The following PIK3C2G variants were observed in gnomAD, a reference collection of about 807,000 sequenced individuals.
PIK3C2G encodes phosphatidylinositol 3-kinase C2 domain-containing subunit gamma.
A neutral mutation model predicts 181.1 loss-of-function variants in PIK3C2G; 168 were observed. The ratio of observed to expected loss-of-function variants is 0.93; its 90% CI spans 0.82 to 1.05. PIK3C2G has a LOEUF of 1.05. PIK3C2G is among the 50% of genes least tolerant of loss of function. The probability of loss-of-function intolerance (pLI) is 0.00; values close to 1 mark genes in which losing one functional copy is unlikely to be tolerated. For missense variants in PIK3C2G, 1,869 were observed against 1,732.8 expected, an observed-to-expected ratio of 1.08 and a Z score of -1.40; for synonymous variants, 573 against 592.2, an observed-to-expected ratio of 0.97 and a Z score of 0.47.
intron 16 of PIK3C2G, 75 bp downstream of exon 16, chr12:18,399,922 T>C: frequency 3.8e-6 from 3 of 779,930 alleles, no homozygotes; most frequent in Non-Finnish European, 5.7e-6. Flanking sequence ...AACCATATAA[T>C]TAATTCAATA....
intron 24 of PIK3C2G, among the ~76,000 whole-genome samples, chr12:18,512,804 A>T (rs958881080): frequency 6.6e-6 from 1 of 151,798 alleles, no homozygotes; most frequent in Non-Finnish European, 1.5e-5. Context: ...GTCTTGCCTA[A>T]CTGCTCTGGC....
At chr12:18,601,070 T>G (rs1265035711) in intron 30 of PIK3C2G, among the ~76,000 whole-genome samples, 1 of 151,906 alleles carries the variant, frequency 6.6e-6, no homozygotes, top group African/African-American at 2.4e-5. Context: ...AATAAAATAT[T>G]AGCCAAAATA....
intron 16 of PIK3C2G, among the ~76,000 whole-genome samples, chr12:18,414,423 T>G (rs11044087): frequency 0.15 from 23,019 of 152,186 alleles, 2,204 homozygotes; most frequent in South Asian, 0.38. Context: ...CCTTCTCATC[T>G]TTTTGTTAAT....
chr12:18,660,230 T>C, the PIK3C2G span, among the ~76,000 whole-genome samples: 1 of 152,176 alleles, frequency 6.6e-6, no homozygotes, highest in African/African-American at 2.4e-5. Context: ...TTCTCCTGCG[T>C]ATTTCTGGAT....
intron 18 of PIK3C2G, among the ~76,000 whole-genome samples, chr12:18,471,667 T>C (rs1938472956): frequency 6.6e-6 from 1 of 152,204 alleles, no homozygotes; most frequent in Non-Finnish European, 1.5e-5. Context: ...GTGAACTTTC[T>C]ACAATTATTC....
intron 18 of PIK3C2G, among the ~76,000 whole-genome samples, chr12:18,485,558 A>G (rs1939942864): frequency 6.6e-6 from 1 of 152,138 alleles, no homozygotes; most frequent in Admixed American, 6.6e-5. Flanking sequence ...CCTCATTTTA[A>G]TGTTGTCATA....
At chr12:18,646,898 C>T (rs1005402334) in intron 32 of PIK3C2G, among the ~76,000 whole-genome samples, 4 of 151,648 alleles carry the variant, frequency 2.6e-5, no homozygotes, top group Non-Finnish European at 5.9e-5. Context: ...GGACAGCTGA[C>T]CAGATTCCTT....
At chr12:18,269,946 G>A (rs1313783578) in intron 1 of PIK3C2G, among the ~76,000 whole-genome samples, 3 of 126,264 alleles carry the variant, frequency 2.4e-5, no homozygotes, top group East Asian at 2.2e-4. Context: ...ATCTCTCTCC[G>A]TTACCCAGGC....
the PIK3C2G span, chr12:18,719,663 G>A: frequency 1.3e-6 from 2 of 1,481,736 alleles, no homozygotes; most frequent in Non-Finnish European, 1.8e-6. Flanking sequence ...AAGTTAAAAG[G>A]ATGCAAAAAT....
the PIK3C2G span, among the ~76,000 whole-genome samples, chr12:18,669,442 G>A: frequency 6.6e-6 from 1 of 152,148 alleles, no homozygotes; most frequent in Non-Finnish European, 1.5e-5. Flanking sequence ...TTATCAGTGA[G>A]AGTCTAAAAG....
At position 18,538,291 on chromosome 12, in the gene PIK3C2G, G is replaced by A. The variant is rs375555307; in HGVS notation, c.3459G>A (p.Leu1153=). The change falls in exon 25 of 33, where the codon CTG becomes CTA. Residue 1153 remains leucine, a synonymous_variant. Transcript: ENST00000538779. ...ATATTATCAGAAAGCACAGCCAACT[G>A]CTCTTGAACCTGCTGGAAATGGTAA... The part of the protein sequence containing the change: ...AYNIIRKHSQ[L]LLNLLEMMLY... 1.1e-4 allele frequency: 169 copies of A among 1,605,308 alleles called. No homozygotes were observed. The highest frequency in any genetic ancestry group is 1.4e-4 in the Non-Finnish European group (163 of 1,177,094).
At chr12:18,339,038 A>G (rs2137600703) in intron 9 of PIK3C2G, among the ~76,000 whole-genome samples, 1 of 152,226 alleles carries the variant, frequency 6.6e-6, no homozygotes, top group African/African-American at 2.4e-5. Flanking sequence ...CGAATTTTGC[A>G]GTGCACACTG....
At chr12:18,420,549 T>A (rs528534970) in intron 16 of PIK3C2G, among the ~76,000 whole-genome samples, 6 of 152,240 alleles carry the variant, frequency 3.9e-5, no homozygotes, top group African/African-American at 1.2e-4. Flanking sequence ...AAATATTAGA[T>A]CACATTTTGA....
chr12:18,665,179 A>T, the PIK3C2G span, among the ~76,000 whole-genome samples: 26 of 150,002 alleles, frequency 1.7e-4, no homozygotes, highest in Non-Finnish European at 1.8e-4. Context: ...ATAAAAAAAA[A>T]TTAAAAAAAA....
At chr12:18,706,858 CT>C in the PIK3C2G span, among the ~76,000 whole-genome samples, 1 of 152,200 alleles carries the variant, frequency 6.6e-6, no homozygotes, top group Non-Finnish European at 1.5e-5. Context: ...CATTTATTCT[CT>C]CACTGTCTAG....
intron 6 of PIK3C2G, 91 bp from the exon 7 acceptor site, chr12:18,320,871 A>G: frequency 1.4e-6 from 1 of 712,366 alleles, no homozygotes; most frequent in Non-Finnish European, 2.4e-6. Context: ...AAATAGGTGA[A>G]TAAAATGACA....
the PIK3C2G span, among the ~76,000 whole-genome samples, chr12:18,709,692 G>A: frequency 6.6e-5 from 10 of 151,906 alleles, no homozygotes; most frequent in East Asian, 1.9e-4. Flanking sequence ...CACCAGCCTC[G>A]ACAACATAAC....
chr12:18,538,061 A>G, intron 24 of PIK3C2G, 95 bp from the exon 25 acceptor site: 1 of 1,236,248 alleles, frequency 8.1e-7, no homozygotes, highest in Admixed American at 2.4e-5. Context: ...AAAAAAAAAG[A>G]AAATTCAAAT....
chr12:18,686,013 T>C, the PIK3C2G span, among the ~76,000 whole-genome samples: 11,760 of 152,032 alleles, frequency 0.077, 523 homozygotes, highest in Non-Finnish European at 0.094. Context: ...TTTCCACATT[T>C]TATCCAAATG....
Sources: allele counts gnomAD v4.1 joint callset (sites outside exome capture counted in the v4.1 genomes callset), GRCh38; gene constraint gnomAD v4.1.1; transcripts MANE v1.5; gene names NCBI Gene and HGNC (gene_info 2026-07-23, HGNC 2026-07-21).